The following MTHFD2L variants were observed in gnomAD, a reference collection of about 807,000 sequenced individuals.
The protein encoded by MTHFD2L is bifunctional methylenetetrahydrofolate dehydrogenase/cyclohydrolase 2, mitochondrial.
A neutral mutation model predicts 34.9 loss-of-function variants in MTHFD2L; 29 were observed. That is an observed-to-expected ratio of 0.83 (90% CI 0.62 to 1.13). The LOEUF (loss-of-function observed/expected upper bound fraction) is 1.13, where lower values mean the gene tolerates loss of function less well. Ranked by LOEUF, MTHFD2L falls within the 50% of genes most tolerant of loss-of-function variation. The probability of loss-of-function intolerance (pLI) is 0.00; values close to 1 mark genes in which losing one functional copy is unlikely to be tolerated. For missense variants in MTHFD2L, 481 were observed against 446.5 expected, an observed-to-expected ratio of 1.08 and a Z score of -0.70; for synonymous variants, 167 against 155.7, an observed-to-expected ratio of 1.07 and a Z score of -0.54.
rs551435642 is a variant in MTHFD2L, at chr4:74,191,920, G to T, written c.452-7874G>T. Among the ~76,000 whole-genome samples, 4 of 152,090 alleles carry T rather than the reference G, an allele frequency of 2.6e-5. No homozygotes were observed. In the South Asian group the frequency reaches 8.4e-4, roughly 32 times the overall value. The stretch of plus-strand genomic sequence containing the variant: ...AAGGATCAGACATATTTTCCTTATG[G>T]CAGCCTGTTCTTCTTACTGTGTCCA... On this transcript the variant is annotated intron_variant, in intron 3 of 7. Coordinates refer to ENST00000325278, the MANE Select transcript of MTHFD2L (RefSeq NM_001144978.3).
chr4:74,177,823 ATTACT>A (rs2109970531), intron 3 of MTHFD2L, among the ~76,000 whole-genome samples: 1 of 152,140 alleles, frequency 6.6e-6, no homozygotes, highest in East Asian at 1.9e-4. Context: ...ACATTGCAGC[ATTACT>A]TTAAGATACA....
intron 1 of MTHFD2L, among the ~76,000 whole-genome samples, chr4:74,166,679 A>G (rs56236141): frequency 0.023 from 3,429 of 152,240 alleles, 116 homozygotes; most frequent in African/African-American, 0.077. Flanking sequence ...CACAGCTTGT[A>G]GGCCAGTCCT....
chr4:74,295,408 C>G (rs572396500), intron 7 of MTHFD2L, among the ~76,000 whole-genome samples: 1 of 152,188 alleles, frequency 6.6e-6, no homozygotes, highest in Non-Finnish European at 1.5e-5. Flanking sequence ...TCTCTGATCC[C>G]CATATCGGAT....
chr4:74,293,607 G>T lies in MTHFD2L; in HGVS notation c.932-8090G>T, dbSNP rs1013558568. On this transcript the variant is annotated intron_variant, in intron 7 of 7. Transcript: ENST00000325278. Reference sequence around the variant, plus strand: ...ATTCCCTCCGGAGCACTTGATTCCTGGTTGCCTTCCAAGTTCAATGGCAAG... The same window carrying T: ...ATTCCCTCCGGAGCACTTGATTCCTTGTTGCCTTCCAAGTTCAATGGCAAG... The T allele has an allele frequency of 3.8e-5, 31 of 805,936 alleles. No individual in the cohort carries two copies. In the Admixed American group the frequency reaches 1.9e-3, roughly 49 times the overall value. 49.9% of individuals were successfully genotyped at this position (805,936 alleles called of 1,614,324 possible).
intron 1 of MTHFD2L, among the ~76,000 whole-genome samples, chr4:74,170,710 A>G (rs1727745777): frequency 6.6e-6 from 1 of 152,056 alleles, no homozygotes; most frequent in Non-Finnish European, 1.5e-5. Context: ...AGGATACACA[A>G]AGAACTTTAA....
chr4:74,192,821 T>C (rs1296179149), intron 3 of MTHFD2L, among the ~76,000 whole-genome samples: 1 of 151,712 alleles, frequency 6.6e-6, no homozygotes, highest in South Asian at 2.1e-4. Flanking sequence ...CTTTGAGTGC[T>C]TTTTTTTATA....
At chr4:74,275,902 G>T (rs190888279) in intron 6 of MTHFD2L, among the ~76,000 whole-genome samples, 1 of 152,208 alleles carries the variant, frequency 6.6e-6, no homozygotes, top group African/African-American at 2.4e-5. Flanking sequence ...TATGTTGCCT[G>T]TTCACTCTGA....
At chr4:74,193,743 T>C (rs1168508902) in intron 3 of MTHFD2L, among the ~76,000 whole-genome samples, 1 of 152,198 alleles carries the variant, frequency 6.6e-6, no homozygotes, top group African/African-American at 2.4e-5. Flanking sequence ...GTATCAGGAA[T>C]TCAATTGTTT....
chr4:74,173,701 A>G (rs1728465687), intron 1 of MTHFD2L, among the ~76,000 whole-genome samples: 1 of 152,222 alleles, frequency 6.6e-6, no homozygotes, highest in Non-Finnish European at 1.5e-5. Context: ...GATGGTTGCC[A>G]GTTTTAACTA....
At chr4:74,144,274 G>A (rs567156047) in intron 1 of MTHFD2L, among the ~76,000 whole-genome samples, 2 of 152,186 alleles carry the variant, frequency 1.3e-5, no homozygotes, top group East Asian at 1.9e-4. Context: ...CCAATATGGT[G>A]AAACCCTGTC....
At chr4:74,173,326 C>A (rs533352) in intron 1 of MTHFD2L, among the ~76,000 whole-genome samples, 23,549 of 152,084 alleles carry the variant, frequency 0.15, 3,949 homozygotes, top group African/African-American at 0.42. Flanking sequence ...TTTATATCAT[C>A]TATCAAATTA....
At position 74,174,494 on chromosome 4, in the gene MTHFD2L, T is replaced by A; in HGVS notation, c.144-12T>A. 7.0e-7 allele frequency: 1 copy of A among 1,438,732 alleles called. No homozygotes were observed. Among genetic ancestry groups the A allele is most frequent in the Non-Finnish European group, 9.2e-7 (1 of 1,089,632 alleles). The allele number at this position is 1,438,732 out of a possible 1,614,324, so 89.1% of individuals were successfully genotyped here. On this transcript the variant is annotated splice_polypyrimidine_tract_variant and intron_variant, in intron 1 of 7. Coordinates refer to ENST00000325278, the MANE Select transcript of MTHFD2L (RefSeq NM_001144978.3). ...ATTTTCTTTTTAGTATTTATTGTTTTGCTTTCCACAGACATGAAGCCATTA... is the reference window on the plus strand; with the variant it reads ...ATTTTCTTTTTAGTATTTATTGTTTAGCTTTCCACAGACATGAAGCCATTA...
rs57228684 is a variant in MTHFD2L, at chr4:74,289,266, G to C, written c.931+7716G>C. ...TTCTTAGAAAAGGTGGTCAGGGAAGGCTTATGCTAACCTGAATAAATGAAG... is the reference window on the plus strand; with the variant it reads ...TTCTTAGAAAAGGTGGTCAGGGAAGCCTTATGCTAACCTGAATAAATGAAG... On this transcript the variant is annotated intron_variant, in intron 7 of 7. Coordinates refer to ENST00000325278, the MANE Select transcript of MTHFD2L (RefSeq NM_001144978.3). 2.0e-5 allele frequency among the ~76,000 whole-genome samples: 3 copies of C among 152,188 alleles called. No individual in the cohort carries two copies. The East Asian group carries it at 5.8e-4, about 29-fold the overall frequency.
intron 7 of MTHFD2L, among the ~76,000 whole-genome samples, chr4:74,283,927 G>A (rs968358110): frequency 6.6e-6 from 1 of 152,100 alleles, no homozygotes; most frequent in Non-Finnish European, 1.5e-5. Flanking sequence ...TGAGAGGGAG[G>A]AATTTTAAGA....
At chr4:74,201,995 G>T (rs538935655) in intron 5 of MTHFD2L, among the ~76,000 whole-genome samples, 1 of 152,138 alleles carries the variant, frequency 6.6e-6, no homozygotes, top group East Asian at 1.9e-4. Flanking sequence ...AATTTGCAGG[G>T]GTCTGTCCCA....
chr4:74,230,958 A>G (rs1739956311), intron 6 of MTHFD2L, among the ~76,000 whole-genome samples: 1 of 152,028 alleles, frequency 6.6e-6, no homozygotes. Context: ...TATTCAGGAA[A>G]TGAGCTGCTG....
At chr4:74,221,703 G>A (rs1738218138) in intron 5 of MTHFD2L, among the ~76,000 whole-genome samples, 1 of 151,566 alleles carries the variant, frequency 6.6e-6, no homozygotes, top group Non-Finnish European at 1.5e-5. Context: ...TGAAAATATT[G>A]TTCATTTAAA....
chr4:74,126,937 T>C (rs1325063705), intron 1 of MTHFD2L, among the ~76,000 whole-genome samples: 1 of 151,990 alleles, frequency 6.6e-6, no homozygotes, highest in African/African-American at 2.4e-5. Context: ...TGGGAGGTAA[T>C]TGAATCATGG....
At chr4:74,278,008 T>C (rs1489588425) in intron 6 of MTHFD2L, among the ~76,000 whole-genome samples, 3 of 152,084 alleles carry the variant, frequency 2.0e-5, no homozygotes, top group Admixed American at 6.6e-5. Context: ...ACACCACTTA[T>C]TTCACTGAAA....
Sources: gnomAD v4.1 joint callset for allele counts (sites outside exome capture counted in the v4.1 genomes callset) on GRCh38, gnomAD v4.1.1 for gene constraint, MANE v1.5 for transcripts, NCBI Gene and HGNC (gene_info 2026-07-23, HGNC 2026-07-21) for gene names.